The following TBC1D16 variants were observed in gnomAD, a reference collection of about 807,000 sequenced individuals.
TBC1D16 encodes the protein TBC1 domain family member 16.
Under a neutral mutation model 74.7 loss-of-function variants are expected in TBC1D16, and 58 were observed. The ratio of observed to expected loss-of-function variants is 0.78; its 90% CI spans 0.63 to 0.97. The LOEUF (loss-of-function observed/expected upper bound fraction) is 0.97. Ranked by LOEUF, TBC1D16 falls within the 50% of genes least tolerant of loss-of-function variation. TBC1D16 has a pLI of 0.00. For synonymous variants in TBC1D16, 493 were observed against 474.7 expected (o/e 1.04, Z -0.50); for missense variants, 1,014 against 1,079.5 (o/e 0.94, Z 0.85).
In TBC1D16 at chr17:79,945,102, G is replaced by C. The variant is rs762059742; in HGVS notation, c.1729-15C>G. On this transcript the variant is annotated splice_polypyrimidine_tract_variant and intron_variant, in intron 9 of 11. Coordinates refer to ENST00000310924, the MANE Select transcript of TBC1D16 (RefSeq NM_019020.4). Reference sequence around the variant, plus strand: ...CGCAGGTACAGCTGGGGGTGAGGCCGTCACGCGTTAGTTAGCTCCGGTCCC... The same window carrying C: ...CGCAGGTACAGCTGGGGGTGAGGCCCTCACGCGTTAGTTAGCTCCGGTCCC... 1 of 1,566,338 alleles carries C rather than the reference G, an allele frequency of 6.4e-7. No individual in the cohort carries two copies. Among genetic ancestry groups the C allele is most frequent in the Non-Finnish European group, 8.6e-7 (1 of 1,156,562 alleles).
At position 79,975,091 on chromosome 17, in the gene TBC1D16, G is replaced by A. The variant is rs535586404; in HGVS notation, c.780-22273C>T. Reference sequence around the variant, plus strand: ...CGTCCCCACTGCCAGTGGGCGCAACGTTACTTGCAAGGCCACAAACACCCG... The same window carrying A: ...CGTCCCCACTGCCAGTGGGCGCAACATTACTTGCAAGGCCACAAACACCCG... On this transcript the variant is annotated intron_variant, in intron 3 of 11. Transcript: ENST00000310924. This position sits in a 1 kb window ranked among gnomAD's most constrained non-coding sequence, Gnocchi z 4.5. 6.6e-5 allele frequency among the ~76,000 whole-genome samples: 10 copies of A among 152,332 alleles called. No individual in the cohort carries two copies. The East Asian group carries it at 1.9e-3, about 29-fold the overall frequency.
chr17:79,961,275 G>C lies in TBC1D16; in HGVS notation c.780-8457C>G. ...CAGCATCCTCTGTAGTCAGGAAAAT[G>C]CAAATTAAAACCACAATGAGATACT... is the stretch of plus-strand genomic sequence containing the variant. On this transcript the variant is annotated intron_variant, in intron 3 of 11. Coordinates refer to ENST00000310924, the MANE Select transcript of TBC1D16 (RefSeq NM_019020.4). The surrounding 1 kb of genome is among the most constrained non-coding windows in gnomAD (Gnocchi z 4.8). 6.6e-6 allele frequency among the ~76,000 whole-genome samples: 1 copy of C among 152,200 alleles called. No homozygotes were observed. Among genetic ancestry groups the C allele is most frequent in the East Asian group, 1.9e-4 (1 of 5,202 alleles).
At chr17:80,033,241 A>G (rs1381049471) in intron 1 of TBC1D16, among the ~76,000 whole-genome samples, 1 of 152,268 alleles carries the variant, frequency 6.6e-6, no homozygotes, top group Non-Finnish European at 1.5e-5. Context: ...CAGGAATTCA[A>G]TGCTTTTCAT....
chr17:80,018,215 T>G lies in TBC1D16; in HGVS notation c.-62-4606A>C, dbSNP rs982041107. On this transcript the variant is annotated intron_variant, in intron 1 of 11. Coordinates refer to ENST00000310924, the MANE Select transcript of TBC1D16 (RefSeq NM_019020.4). ...AAAAAGTGAAATTAATTTTAATAAT[T>G]TTTAGCATAATATATCCAAAATATT... 6.4e-4 allele frequency among the ~76,000 whole-genome samples: 97 copies of G among 150,478 alleles called. 5 individuals are homozygous for G. The highest frequency in any genetic ancestry group is 2.0e-3 in the African/African-American group (81 of 39,928).
chr17:80,012,492 T>C (rs962199927), intron 2 of TBC1D16, among the ~76,000 whole-genome samples: 3 of 152,146 alleles, frequency 2.0e-5, no homozygotes, highest in Non-Finnish European at 4.4e-5. Context: ...TAATTTAAAC[T>C]TTTGTCTTGT....
chr17:79,969,527 T>C (rs1001785406), intron 3 of TBC1D16, among the ~76,000 whole-genome samples: 1 of 152,222 alleles, frequency 6.6e-6, no homozygotes, highest in African/African-American at 2.4e-5. Flanking sequence ...CCTCATTCCA[T>C]GGTGATGGGA....
In TBC1D16 at chr17:79,981,249, C is replaced by T. The variant is rs890403850; in HGVS notation, c.780-28431G>A. Among the ~76,000 whole-genome samples the T allele has an allele frequency of 2.0e-5, 3 of 152,200 alleles. No homozygotes were observed. The highest frequency in any genetic ancestry group is 7.2e-5 in the African/African-American group (3 of 41,448). The stretch of plus-strand genomic sequence containing the variant: ...CAGCATCTTCCGCACCAATGCACTG[C>T]TTGGCCCGGCTCAGAGGATTTGACG... On this transcript the variant is annotated intron_variant, in intron 3 of 11. Transcript: ENST00000310924. This position sits in a 1 kb window ranked among gnomAD's most constrained non-coding sequence, Gnocchi z 6.9.
chr17:79,943,227 G>A (rs1423340211), intron 10 of TBC1D16, among the ~76,000 whole-genome samples: 5 of 152,208 alleles, frequency 3.3e-5, no homozygotes, highest in South Asian at 2.1e-4. Flanking sequence ...ATCTGGGACG[G>A]TCTTGTTTTG....
intron 3 of TBC1D16, among the ~76,000 whole-genome samples, chr17:79,955,714 T>G (rs1454350686): frequency 6.6e-6 from 1 of 152,174 alleles, no homozygotes; most frequent in Non-Finnish European, 1.5e-5. Context: ...CTTTAAGAAA[T>G]GTAGCAGTTC....
At chr17:79,952,313 C>T (rs867079171) in intron 4 of TBC1D16, 4 of 220,448 alleles carry the variant, frequency 1.8e-5, no homozygotes, top group East Asian at 1.9e-4. Context: ...CACAGGTGGC[C>T]GAGCTCCAGA....
At chr17:80,031,806 T>C (rs149148802) in intron 1 of TBC1D16, among the ~76,000 whole-genome samples, 1 of 152,202 alleles carries the variant, frequency 6.6e-6, no homozygotes, top group Non-Finnish European at 1.5e-5. Context: ...AGCCAGGAAA[T>C]CAAAAACTGC....
intron 3 of TBC1D16, among the ~76,000 whole-genome samples, chr17:79,997,734 G>A (rs892578548): frequency 2.6e-5 from 4 of 152,156 alleles, no homozygotes; most frequent in African/African-American, 7.2e-5. Context: ...AATAACTGAC[G>A]TTCAGGGCTT....
In TBC1D16 at chr17:79,954,157, C is replaced by T. The variant is rs902821596; in HGVS notation, c.780-1339G>A. The stretch of plus-strand genomic sequence containing the variant: ...TCAGCTCTGGACCCCAACTGCAGCA[C>T]CCCACAGAGACTCAGCCGCATTCAC... On this transcript the variant is annotated intron_variant, in intron 3 of 11. Transcript: ENST00000310924. The surrounding 1 kb of genome is among the most constrained non-coding windows in gnomAD (Gnocchi z 5.5). Among the ~76,000 whole-genome samples, 1 of 152,214 alleles carries T rather than the reference C, an allele frequency of 6.6e-6. No homozygotes were observed. The highest frequency in any genetic ancestry group is 1.5e-5 in the Non-Finnish European group (1 of 68,038).
intron 1 of TBC1D16, among the ~76,000 whole-genome samples, chr17:80,029,314 GA>G (rs1159512602): frequency 3.9e-5 from 6 of 152,162 alleles, no homozygotes; most frequent in African/African-American, 1.4e-4. Context: ...CAGGGGAGGA[GA>G]GGGGCAGCAG....
At chr17:80,018,406 C>G (rs1010650477) in intron 1 of TBC1D16, among the ~76,000 whole-genome samples, 1 of 149,056 alleles carries the variant, frequency 6.7e-6, no homozygotes, top group Non-Finnish European at 1.5e-5. Context: ...TTCAGCCTCC[C>G]GAGTAGCTGG....
At chr17:80,011,155 C>T (rs2035874993) in intron 2 of TBC1D16, among the ~76,000 whole-genome samples, 1 of 152,112 alleles carries the variant, frequency 6.6e-6, no homozygotes, top group South Asian at 2.1e-4. Flanking sequence ...AATCCTCCCA[C>T]CTCAGCTCCC....
rs2032073425 is a variant in TBC1D16 at position 79,942,155 on chromosome 17, C to T, written c.1960G>A (p.Asp654Asn). 2.5e-6 allele frequency: 4 copies of T among 1,609,930 alleles called. No homozygotes were observed. The highest frequency in any genetic ancestry group is 3.4e-6 in the Non-Finnish European group (4 of 1,178,588). The change falls in exon 11 of 12, where the codon GAT becomes AAT. Residue 654 changes from aspartate (D) to asparagine (N), a missense_variant. By Grantham distance (23) the Asp-to-Asn change is conservative. Coordinates refer to ENST00000310924, the MANE Select transcript of TBC1D16 (RefSeq NM_019020.4). ...ICVAIVAIYGDDVIEQQLATD... is the reference protein window; with the variant it reads ...ICVAIVAIYGNDVIEQQLATD... ...GCCAGCTGCTGCTCGATGACGTCAT[C>T]CCCGTAGATGGCCACGATGGCCACG...
intron 3 of TBC1D16, among the ~76,000 whole-genome samples, chr17:79,967,440 T>C (rs1042973821): frequency 6.6e-6 from 1 of 152,184 alleles, no homozygotes; most frequent in Non-Finnish European, 1.5e-5. Flanking sequence ...TAAGTTTGCA[T>C]TATATAAGAT....
In TBC1D16 at chr17:79,942,194, GGAA is replaced by G. The variant is rs1387932303; in HGVS notation, c.1918_1920del (p.Phe640del). The G allele has an allele frequency of 1.2e-6, 2 of 1,602,340 alleles. No individual in the cohort carries two copies. The highest frequency in any genetic ancestry group is 1.7e-6 in the Non-Finnish European group (2 of 1,174,552). ...ACGATGGCCACGCAGATGAAAAGGT[GGAA>G]GTAGTCCGTCTGTGGAGGCGGGTAG... On this transcript the variant is annotated inframe_deletion, in exon 11 of 12. Transcript: ENST00000310924.
Sources: allele counts gnomAD v4.1 joint callset (sites outside exome capture counted in the v4.1 genomes callset), GRCh38; gene constraint gnomAD v4.1.1; non-coding constraint Gnocchi (gnomAD v3.1); transcripts MANE v1.5; gene names NCBI Gene and HGNC (gene_info 2026-07-23, HGNC 2026-07-21).